Variants in FAT3 observed in about 807,000 individuals in gnomAD.
The protein encoded by FAT3 is FAT atypical cadherin 3.
In FAT3, 95 loss-of-function variants were observed where a neutral mutation model predicts 310.2. That is an observed-to-expected ratio of 0.31 (90% CI 0.26 to 0.36). The LOEUF (loss-of-function observed/expected upper bound fraction) is 0.36, where lower values mean the gene tolerates loss of function less well. FAT3 is among the 10% of genes least tolerant of loss of function. The pLI, the probability that FAT3 is intolerant of heterozygous loss-of-function variation, is 1.00. For missense variants in FAT3, 5,408 were observed against 5,715.6 expected (o/e 0.95, Z 1.74); for synonymous variants, 2,314 against 2,192.9 (o/e 1.06, Z -1.54).
At chr11:92,466,145 T>C (rs558879683) in intron 2 of FAT3, among the ~76,000 whole-genome samples, 2 of 152,308 alleles carry the variant, frequency 1.3e-5, no homozygotes, top group Admixed American at 1.3e-4. Context: ...ATGGTAGGAA[T>C]GATCAAATAT....
intron 2 of FAT3, among the ~76,000 whole-genome samples, chr11:92,481,670 T>A (rs903217857): frequency 6.6e-6 from 1 of 152,218 alleles, no homozygotes; most frequent in Non-Finnish European, 1.5e-5. Context: ...GTGTTCTAGT[T>A]CTCTTAATTA....
chr11:92,585,366 G>C (rs1250714344), intron 3 of FAT3, among the ~76,000 whole-genome samples: 1 of 152,006 alleles, frequency 6.6e-6, no homozygotes, highest in African/African-American at 2.4e-5. Context: ...TTTCCCACTA[G>C]TGTGTTGGCC....
intron 1 of FAT3, among the ~76,000 whole-genome samples, chr11:92,350,708 T>C (rs537802340): frequency 5.3e-5 from 8 of 152,190 alleles, no homozygotes; most frequent in African/African-American, 1.4e-4. Flanking sequence ...TTTTCTAATA[T>C]GTCATTGGGT....
Position 92,337,676 on chromosome 11 carries a change from T to C in FAT3, c.-17-14420T>C, listed in dbSNP as rs568891404. The stretch of plus-strand genomic sequence containing the variant: ...CGAACTCCTGACCTCAGGTGATCCA[T>C]ATGCCTCGGCCTCCCAAAGTGCTGG... On this transcript the variant is annotated intron_variant, in intron 1 of 27. Coordinates refer to ENST00000525166, the MANE Select transcript of FAT3 (RefSeq NM_001367949.2). 3.3e-5 allele frequency among the ~76,000 whole-genome samples: 5 copies of C among 152,308 alleles called. No homozygotes were observed. The South Asian group carries it at 6.2e-4, about 19-fold the overall frequency.
At chr11:92,824,428 G>T (rs192964283) in intron 13 of FAT3, among the ~76,000 whole-genome samples, 1 of 152,248 alleles carries the variant, frequency 6.6e-6, no homozygotes, top group African/African-American at 2.4e-5. Flanking sequence ...ATGAGACCTT[G>T]ACAAAAGTGA....
At chr11:92,570,257 C>T (rs1955625838) in intron 3 of FAT3, among the ~76,000 whole-genome samples, 1 of 152,198 alleles carries the variant, frequency 6.6e-6, no homozygotes. Flanking sequence ...AACTTTGTAT[C>T]TCTCCTCTAG....
At chr11:92,564,228 G>A (rs1470365487) in intron 3 of FAT3, among the ~76,000 whole-genome samples, 2 of 151,886 alleles carry the variant, frequency 1.3e-5, no homozygotes, top group African/African-American at 4.8e-5. Context: ...AAAGGCAGGG[G>A]TTGCAATCCT....
intron 3 of FAT3, among the ~76,000 whole-genome samples, chr11:92,610,430 TAA>T (rs1208176241): frequency 2.6e-5 from 4 of 152,264 alleles, no homozygotes; most frequent in Non-Finnish European, 5.9e-5. Context: ...TACTCATTTT[TAA>T]AGTATTAAGC....
chr11:92,373,404 C>T (rs1339248778), intron 2 of FAT3, among the ~76,000 whole-genome samples: 1 of 152,154 alleles, frequency 6.6e-6, no homozygotes, highest in Admixed American at 6.5e-5. Flanking sequence ...TATAACTCAG[C>T]CTCGTCAAAA....
chr11:92,871,453 A>G (rs1307541123), intron 22 of FAT3, among the ~76,000 whole-genome samples: 2 of 152,196 alleles, frequency 1.3e-5, no homozygotes, highest in South Asian at 2.1e-4. Flanking sequence ...CCTAGGTGCT[A>G]TAGTGATTTA....
chr11:92,382,460 G>T (rs957004542), intron 2 of FAT3, among the ~76,000 whole-genome samples: 1 of 152,072 alleles, frequency 6.6e-6, no homozygotes, highest in Non-Finnish European at 1.5e-5. Context: ...TCCCAGGAAG[G>T]CACCTCTAAC....
intron 4 of FAT3, among the ~76,000 whole-genome samples, chr11:92,709,806 G>A (rs943526375): frequency 2.5e-4 from 38 of 152,312 alleles, no homozygotes; most frequent in African/African-American, 8.2e-4. Context: ...TTCTCCCACC[G>A]CATCCCAGTC....
chr11:92,869,042 C>T (rs2136358981), intron 22 of FAT3, among the ~76,000 whole-genome samples: 1 of 152,338 alleles, frequency 6.6e-6, no homozygotes, highest in East Asian at 1.9e-4. Flanking sequence ...TTCCTGTTCC[C>T]TTCTTCCTTC....
chr11:92,710,625 G>C (rs144122435), intron 4 of FAT3, among the ~76,000 whole-genome samples: 1 of 152,138 alleles, frequency 6.6e-6, no homozygotes, highest in African/African-American at 2.4e-5. Flanking sequence ...ACAACAGAAG[G>C]TGTTGTTCTG....
At chr11:92,335,249 C>A (rs1591125576) in intron 1 of FAT3, among the ~76,000 whole-genome samples, 1 of 150,732 alleles carries the variant, frequency 6.6e-6, no homozygotes, top group East Asian at 1.9e-4. Context: ...CCCCACCTAT[C>A]TTTCCCTCCT....
chr11:92,889,481 G>A (rs376432421), intron 26 of FAT3, among the ~76,000 whole-genome samples: 4 of 151,470 alleles, frequency 2.6e-5, no homozygotes, highest in African/African-American at 9.7e-5. Flanking sequence ...CAAGAAAAGA[G>A]CACCCAATTA....
intron 2 of FAT3, among the ~76,000 whole-genome samples, chr11:92,362,810 C>T (rs958439949): frequency 2.0e-5 from 3 of 152,104 alleles, no homozygotes; most frequent in African/African-American, 7.2e-5. Context: ...ATTTTGAATA[C>T]TGATATTTTC....
chr11:92,790,403 A>G (rs1291467416), intron 8 of FAT3, among the ~76,000 whole-genome samples, 185 bp downstream of exon 8: 2 of 152,160 alleles, frequency 1.3e-5, no homozygotes, highest in African/African-American at 2.4e-5. Flanking sequence ...TTAGATAGCA[A>G]CTCTACATTT....
At chr11:92,508,619 T>C (rs1013766263) in intron 2 of FAT3, among the ~76,000 whole-genome samples, 4 of 152,138 alleles carry the variant, frequency 2.6e-5, no homozygotes, top group Non-Finnish European at 5.9e-5. Context: ...GAGGAAATAG[T>C]TGGGCTTTTG....
Sources: allele counts gnomAD v4.1 joint callset (sites outside exome capture counted in the v4.1 genomes callset), GRCh38; gene constraint gnomAD v4.1.1; transcripts MANE v1.5; gene names NCBI Gene and HGNC (gene_info 2026-07-23, HGNC 2026-07-21).